Variants in RNF111 observed in about 807,000 individuals in gnomAD.
RNF111 encodes ring finger protein 111.
Under a neutral mutation model 95.1 loss-of-function variants are expected in RNF111, and 17 were observed. The ratio of observed to expected loss-of-function variants is 0.18; its 90% CI spans 0.12 to 0.27. RNF111 has a LOEUF of 0.27. Among genes scored for constraint, RNF111 ranks in the 10% least tolerant of loss-of-function variants. RNF111 has a pLI of 1.00. For missense variants in RNF111, 1,189 were observed against 1,210.4 expected (o/e 0.98, Z 0.26); for synonymous variants, 440 against 414.8 (o/e 1.06, Z -0.74).
At chr15:59,044,977 C>A (rs2141895578) in intron 2 of RNF111, among the ~76,000 whole-genome samples, 1 of 152,104 alleles carries the variant, frequency 6.6e-6, no homozygotes, top group Non-Finnish European at 1.5e-5. Flanking sequence ...GATGTTTAAG[C>A]AATAGAATAA....
chr15:59,042,065 A>C (rs1466326352), intron 2 of RNF111, among the ~76,000 whole-genome samples: 2 of 150,608 alleles, frequency 1.3e-5, no homozygotes, highest in African/African-American at 4.9e-5. Flanking sequence ...AGTCCTATAT[A>C]ATACACACAT....
At chr15:58,992,738 T>A (rs761350899) in intron 1 of RNF111, among the ~76,000 whole-genome samples, 24 of 152,288 alleles carry the variant, frequency 1.6e-4, no homozygotes, top group Non-Finnish European at 3.4e-4. Context: ...GAGGATGGCT[T>A]GAGCCCGGGA....
intron 7 of RNF111, among the ~76,000 whole-genome samples, chr15:59,078,651 G>C (rs2078641976): frequency 6.6e-6 from 1 of 151,952 alleles, no homozygotes. Context: ...CTGAGGTCAG[G>C]AGTTCAAGAC....
intron 2 of RNF111, 139 bp downstream of exon 2, chr15:59,031,841 C>T: frequency 1.3e-6 from 1 of 741,274 alleles, no homozygotes; most frequent in Non-Finnish European, 2.2e-6. Flanking sequence ...TATAAATTAC[C>T]AATTGCAGTA....
intron 5 of RNF111, among the ~76,000 whole-genome samples, chr15:59,061,398 A>T (rs2142033968): frequency 6.6e-6 from 1 of 152,250 alleles, no homozygotes; most frequent in East Asian, 1.9e-4. Flanking sequence ...CCGTAAATTT[A>T]TGGTTTCGAA....
At chr15:59,069,338 T>C (rs1323071904) in intron 6 of RNF111, among the ~76,000 whole-genome samples, 9 of 152,204 alleles carry the variant, frequency 5.9e-5, no homozygotes, top group Non-Finnish European at 1.0e-4. Flanking sequence ...TTTGGTTACA[T>C]GATGCTTCAT....
intron 5 of RNF111, among the ~76,000 whole-genome samples, chr15:59,064,244 T>C (rs935305733): frequency 1.3e-5 from 2 of 152,042 alleles, no homozygotes; most frequent in Non-Finnish European, 2.9e-5. Context: ...TTCTAAAAAG[T>C]AAATAATCTG....
chr15:59,082,820 A>G (rs1489641734), intron 8 of RNF111, among the ~76,000 whole-genome samples: 2 of 152,158 alleles, frequency 1.3e-5, no homozygotes, highest in African/African-American at 4.8e-5. Context: ...GTCATTTAAG[A>G]TTGTATCCCA....
At chr15:59,084,558 A>G (rs1315678942) in intron 9 of RNF111, among the ~76,000 whole-genome samples, 6 of 152,188 alleles carry the variant, frequency 3.9e-5, no homozygotes, top group Non-Finnish European at 8.8e-5. Context: ...TACATTGTGA[A>G]ATGATTAAAT....
intron 4 of RNF111, among the ~76,000 whole-genome samples, chr15:59,056,727 A>G (rs1221533448): frequency 6.6e-6 from 1 of 152,180 alleles, no homozygotes; most frequent in Non-Finnish European, 1.5e-5. Flanking sequence ...ATTTCATTCA[A>G]CAATCTCTTG....
chr15:59,091,283 AT>A (rs2079044876), intron 12 of RNF111, 129 bp downstream of exon 12: 3 of 513,646 alleles, frequency 5.8e-6, no homozygotes, highest in East Asian at 6.5e-5. Flanking sequence ...TTGTTTAAAA[AT>A]TTTGGAAAGT....
chr15:59,013,474 A>C (rs937441600), intron 1 of RNF111, among the ~76,000 whole-genome samples: 1 of 152,206 alleles, frequency 6.6e-6, no homozygotes, highest in Non-Finnish European at 1.5e-5. Context: ...GGTTAGTGGA[A>C]TGTTTTTCTC....
intron 1 of RNF111, among the ~76,000 whole-genome samples, chr15:59,029,510 T>C (rs1176100797): frequency 6.6e-6 from 1 of 152,232 alleles, no homozygotes; most frequent in East Asian, 1.9e-4. Flanking sequence ...TCTGTAGGAA[T>C]AGGTCATTCT....
intron 2 of RNF111, among the ~76,000 whole-genome samples, chr15:59,046,985 A>C (rs1306998627): frequency 1.3e-5 from 2 of 151,944 alleles, no homozygotes; most frequent in Non-Finnish European, 2.9e-5. Flanking sequence ...CTACCACCTC[A>C]GCCTCCGGAG....
chr15:59,064,682 T>C (rs2042582676), intron 5 of RNF111, among the ~76,000 whole-genome samples: 1 of 152,092 alleles, frequency 6.6e-6, no homozygotes, highest in Non-Finnish European at 1.5e-5. Flanking sequence ...TGAATTCTAG[T>C]TCCCAGGTTA....
At chr15:59,061,372 A>C (rs959126808) in intron 5 of RNF111, among the ~76,000 whole-genome samples, 4 of 152,040 alleles carry the variant, frequency 2.6e-5, no homozygotes, top group African/African-American at 9.7e-5. Context: ...CTAGCTTCAC[A>C]CTTATCCAAG....
At chr15:59,064,553 A>G (rs1333414995) in intron 5 of RNF111, among the ~76,000 whole-genome samples, 5 of 150,942 alleles carry the variant, frequency 3.3e-5, no homozygotes, top group Non-Finnish European at 5.9e-5. Flanking sequence ...AAAAAAAAAA[A>G]GGAAATAATT....
rs1304277305 is a variant in RNF111 at position 59,097,341 on chromosome 15, T to C, written c.*2441T>C. On this transcript the variant is annotated 3_prime_UTR_variant, in exon 14 of 14. Transcript: ENST00000348370. ...ATAATTTGAAACATTTTTCTTACTCTGGTGACTTTCTTTTAGCTGCTAGCA... is the reference window on the plus strand; with the variant it reads ...ATAATTTGAAACATTTTTCTTACTCCGGTGACTTTCTTTTAGCTGCTAGCA... 6.6e-6 allele frequency: 1 copy of C among 152,368 alleles called. No individual in the cohort carries two copies. The highest frequency in any genetic ancestry group is 6.5e-5 in the Admixed American group (1 of 15,302). The allele number at this position is 152,368 out of a possible 1,614,324, so 9.4% of individuals were successfully genotyped here.
chr15:59,066,919 C>G lies in RNF111; in HGVS notation c.1522C>G (p.His508Asp), dbSNP rs531588978. The change falls in exon 6 of 14, where the codon CAT (histidine) becomes GAT (aspartate). Residue 508 changes from histidine to aspartate, a missense_variant. Around this residue, in one of 2 missense-constraint regions of RNF111, gnomAD observed 1,024 missense variants for 925.9 expected, o/e 1.11. Coordinates refer to ENST00000348370, the MANE Select transcript of RNF111 (RefSeq NM_017610.8). ...GHPHTSCFQQ[H>D]GHHFQHHHHH... ...TCCTCATACAAGTTGCTTTCAGCAG[C>G]ATGGTCACCATTTTCAACATCATCA... The G allele has an allele frequency of 1.7e-5, 28 of 1,614,116 alleles. No individual in the cohort carries two copies. The South Asian group carries it at 2.7e-4, about 16-fold the overall frequency.
Sources: gnomAD v4.1 joint callset for allele counts (sites outside exome capture counted in the v4.1 genomes callset) on GRCh38, gnomAD v4.1.1 for gene constraint, gnomAD v4.1.1 regional missense constraint, MANE v1.5 for transcripts, NCBI Gene and HGNC (gene_info 2026-07-23, HGNC 2026-07-21) for gene names.